TASP1: variants seen among roughly 807,000 people sequenced by gnomAD.
TASP1 encodes taspase 1, also known as threonine aspartase 1.
Under a neutral mutation model 56.6 loss-of-function variants are expected in TASP1, and 16 were observed. That is an observed-to-expected ratio of 0.28 (90% CI 0.19 to 0.43). The LOEUF is 0.43. Ranked by LOEUF, TASP1 falls within the 20% of genes least tolerant of loss-of-function variation. TASP1 has a pLI of 1.00. For synonymous variants in TASP1, 179 were observed against 184.2 expected (o/e 0.97, Z 0.23); for missense variants, 393 against 511.6 (o/e 0.77, Z 2.24).
intron 4 of TASP1, among the ~76,000 whole-genome samples, chr20:13,588,920 T>A (rs1327458418): frequency 6.6e-6 from 1 of 152,084 alleles, no homozygotes; most frequent in Non-Finnish European, 1.5e-5. Flanking sequence ...ATCAAGACAG[T>A]GTAATATAGA....
the TASP1 span, among the ~76,000 whole-genome samples, chr20:13,333,839 G>T: frequency 7.2e-5 from 11 of 152,116 alleles, no homozygotes; most frequent in East Asian, 1.9e-3. Context: ...TTAGCCTTTC[G>T]TTGAAGACTA....
At chr20:13,186,870 A>G in the TASP1 span, among the ~76,000 whole-genome samples, 1 of 152,222 alleles carries the variant, frequency 6.6e-6, no homozygotes, top group African/African-American at 2.4e-5. Flanking sequence ...AGAAGAAACA[A>G]TCTGAAAAAT....
the TASP1 span, among the ~76,000 whole-genome samples, chr20:13,272,429 A>G: frequency 6.6e-6 from 1 of 152,216 alleles, no homozygotes; most frequent in Non-Finnish European, 1.5e-5. Context: ...TCCCTCCAAT[A>G]AATTAGATCT....
chr20:13,323,714 A>G, the TASP1 span, among the ~76,000 whole-genome samples: 1 of 152,182 alleles, frequency 6.6e-6, no homozygotes, highest in African/African-American at 2.4e-5. Context: ...GTTAATTACT[A>G]AAAGAATGTT....
At chr20:13,231,212 G>A in the TASP1 span, among the ~76,000 whole-genome samples, 1 of 152,216 alleles carries the variant, frequency 6.6e-6, no homozygotes, top group Non-Finnish European at 1.5e-5. Context: ...GGGTAACAGA[G>A]CAGAGTTTCC....
At chr20:13,392,489 TCA>T (rs1225212213) in intron 13 of TASP1, among the ~76,000 whole-genome samples, 1 of 152,186 alleles carries the variant, frequency 6.6e-6, no homozygotes, top group Non-Finnish European at 1.5e-5. Context: ...TACATACATC[TCA>T]GTTTCCCTGT....
the TASP1 span, among the ~76,000 whole-genome samples, chr20:13,227,184 T>C: frequency 3.0e-4 from 46 of 152,188 alleles, no homozygotes; most frequent in Non-Finnish European, 8.8e-5. Context: ...TTTTTTTGAC[T>C]TTTTAATTTA....
chr20:13,514,489 G>A (rs1291654177), intron 10 of TASP1, among the ~76,000 whole-genome samples: 1 of 152,116 alleles, frequency 6.6e-6, no homozygotes, highest in Non-Finnish European at 1.5e-5. Flanking sequence ...TGGGATGGAT[G>A]GGCACAATCC....
At chr20:13,214,550 CACACACACACACAGAG>C in the TASP1 span, among the ~76,000 whole-genome samples, 54 of 114,684 alleles carry the variant, frequency 4.7e-4, no homozygotes, top group Middle Eastern at 4.4e-3. Flanking sequence ...CACACACACA[CACACACACACACAGAG>C]AGAGAGAGAG....
chr20:13,379,268 T>G, the TASP1 span, among the ~76,000 whole-genome samples: 1 of 152,210 alleles, frequency 6.6e-6, no homozygotes, highest in Non-Finnish European at 1.5e-5. Flanking sequence ...AAGGCAGGCC[T>G]GGTGGTGACA....
rs2041369505 is a variant in TASP1, at chr20:13,393,399, A to G, written c.1171-2947T>C. 4.0e-6 allele frequency: 3 copies of G among 749,494 alleles called. No individual in the cohort carries two copies. The Admixed American group carries it at 5.4e-5, about 14-fold the overall frequency. The allele number at this position is 749,494 out of a possible 1,614,324, so 46.4% of individuals were successfully genotyped here. On this transcript the variant is annotated intron_variant, in intron 13 of 13. Coordinates refer to ENST00000337743, the MANE Select transcript of TASP1 (RefSeq NM_017714.3). ...TGTCCCCATTGCCAATGTGTCAGTT[A>G]TGGACCTGACCTACCGTCTGGAGAA...
At chr20:13,631,676 A>G (rs1197975446) in intron 1 of TASP1, among the ~76,000 whole-genome samples, 2 of 152,258 alleles carry the variant, frequency 1.3e-5, no homozygotes, top group African/African-American at 2.4e-5. Context: ...ACGAAAACAC[A>G]TCTAAGCAGT....
intron 11 of TASP1, among the ~76,000 whole-genome samples, chr20:13,470,448 C>T (rs775705321): frequency 1.6e-4 from 24 of 151,982 alleles, no homozygotes; most frequent in Non-Finnish European, 3.5e-4. Context: ...TTTCTTTTTC[C>T]TTTTATTCCC....
intron 10 of TASP1, among the ~76,000 whole-genome samples, chr20:13,500,284 A>G (rs756228898): frequency 2.8e-5 from 4 of 143,584 alleles, no homozygotes; most frequent in Non-Finnish European, 6.1e-5. Context: ...TATACACTCA[A>G]TTTGTCATAC....
intron 4 of TASP1, among the ~76,000 whole-genome samples, chr20:13,594,921 T>C (rs1242210882): frequency 1.3e-5 from 2 of 151,922 alleles, no homozygotes; most frequent in East Asian, 3.9e-4. Context: ...AGACACATAA[T>C]TGTCAGATTC....
chr20:13,165,278 T>C, the TASP1 span: 1 of 162,540 alleles, frequency 6.2e-6, no homozygotes, highest in African/African-American at 2.4e-5. Flanking sequence ...TGTAAGTGAG[T>C]GTGGTGGACA....
At chr20:13,457,760 C>A (rs1483384561) in intron 11 of TASP1, among the ~76,000 whole-genome samples, 5 of 152,136 alleles carry the variant, frequency 3.3e-5, no homozygotes, top group Non-Finnish European at 7.4e-5. Flanking sequence ...TGCAGAAACA[C>A]AGACATTCAC....
chr20:13,228,849 G>A, the TASP1 span, among the ~76,000 whole-genome samples: 2 of 152,080 alleles, frequency 1.3e-5, no homozygotes, highest in Non-Finnish European at 2.9e-5. Flanking sequence ...TATTTCTGTT[G>A]TTTAATTGTG....
chr20:13,249,154 C>A, the TASP1 span, among the ~76,000 whole-genome samples: 6 of 152,204 alleles, frequency 3.9e-5, no homozygotes, highest in Admixed American at 3.9e-4. Flanking sequence ...AATAAGGACA[C>A]AAAGATCTGG....
Sources: allele counts gnomAD v4.1 joint callset (sites outside exome capture counted in the v4.1 genomes callset), GRCh38; gene constraint gnomAD v4.1.1; transcripts MANE v1.5; gene names NCBI Gene and HGNC (gene_info 2026-07-23, HGNC 2026-07-21).